The following CTNNAL1 variants were observed in gnomAD, a reference collection of about 807,000 sequenced individuals.
The protein encoded by CTNNAL1 is alpha-catulin.
A neutral mutation model predicts 93.6 loss-of-function variants in CTNNAL1; 69 were observed. That is an observed-to-expected ratio of 0.74 (90% CI 0.61 to 0.90). CTNNAL1 has a LOEUF of 0.90. Among genes scored for constraint, CTNNAL1 ranks in the 40% least tolerant of loss-of-function variants. The pLI is 0.00. For missense variants in CTNNAL1, 836 were observed against 862.0 expected (o/e 0.97, Z 0.38); for synonymous variants, 286 against 305.4 (o/e 0.94, Z 0.66).
chr9:109,013,476 G>C lies in CTNNAL1; in HGVS notation c.-34C>G, dbSNP rs28361101. On this transcript the variant is annotated 5_prime_UTR_variant, in exon 1 of 19. Transcript: ENST00000325551. Reference sequence around the variant, plus strand: ...GTCTATCCCGCAGCCGGGACTCCGCGCCGCGGCGAGCCTGCCGCCAGTCAG... The same window carrying C: ...GTCTATCCCGCAGCCGGGACTCCGCCCCGCGGCGAGCCTGCCGCCAGTCAG... 0.022 allele frequency: 28,852 copies of C among 1,325,498 alleles called. 376 individuals are homozygous for C. Among genetic ancestry groups the C allele is most frequent in the Non-Finnish European group, 0.025 (25,858 of 1,032,422 alleles). 82.1% of individuals were successfully genotyped at this position (1,325,498 alleles called of 1,614,324 possible).
In CTNNAL1 at chr9:108,952,342, G is replaced by A. The variant is rs778530106; in HGVS notation, c.1702C>T (p.Leu568Phe). The A allele has an allele frequency of 5.6e-6, 9 of 1,614,146 alleles. No individual in the cohort carries two copies. The highest frequency in any genetic ancestry group is 7.6e-6 in the Non-Finnish European group (9 of 1,180,028). The change falls in exon 14 of 19, where the codon CTT becomes TTT. Residue 568 changes from leucine (L) to phenylalanine (F), a missense_variant. By Grantham distance (22) the Leu-to-Phe change is conservative. Coordinates refer to ENST00000325551, the MANE Select transcript of CTNNAL1 (RefSeq NM_003798.4). ...DSEEQAKIAK[L>F]GLKLGLLTSD... ...GTGAGCAAACCCAGCTTAAGTCCAA[G>A]CTTTGCTATCTTGGCTTGCTCCTAT...
At chr9:108,952,921 G>A (rs1428909799) in intron 12 of CTNNAL1, among the ~76,000 whole-genome samples, 1 of 152,138 alleles carries the variant, frequency 6.6e-6, no homozygotes, top group African/African-American at 2.4e-5. Flanking sequence ...GCCACTATAT[G>A]TAGTTTTCTA....
chr9:108,998,975 T>C, intron 2 of CTNNAL1, 92 bp downstream of exon 2: 2 of 1,398,680 alleles, frequency 1.4e-6, no homozygotes, highest in Non-Finnish European at 9.5e-7. Context: ...CAAAGAGCTG[T>C]ATATCTTTAT....
At chr9:108,962,845 A>G (rs1234711395) in intron 11 of CTNNAL1, among the ~76,000 whole-genome samples, 2 of 152,198 alleles carry the variant, frequency 1.3e-5, no homozygotes, top group Admixed American at 6.5e-5. Flanking sequence ...TAGTTTTGTC[A>G]TCATTATCCC....
intron 15 of CTNNAL1, among the ~76,000 whole-genome samples, chr9:108,946,198 C>T (rs1244734434): frequency 1.3e-5 from 2 of 151,402 alleles, no homozygotes; most frequent in Non-Finnish European, 2.9e-5. Flanking sequence ...ACTCGGGAGG[C>T]TGAGGCAGAA....
At position 108,952,244 on chromosome 9, in the gene CTNNAL1, C is replaced by T. The variant is rs745366974; in HGVS notation, c.1800G>A (p.Met600Ile). 4.3e-6 allele frequency: 7 copies of T among 1,614,084 alleles called. No individual in the cohort carries two copies. Among genetic ancestry groups the T allele is most frequent in the Non-Finnish European group, 5.9e-6 (7 of 1,179,950 alleles). Residue 600 changes from methionine to isoleucine, a missense_variant, in exon 14 of 19, where the codon ATG (methionine) becomes ATA (isoleucine). Physicochemically the swap from Met to Ile is conservative, Grantham distance 10. Transcript: ENST00000325551. ...ENEIVQYGRN[M>I]SSMAYSLYLF... ...AATACAGAGAATAGGCCATACTGGA[C>T]ATGTTCCGTCCATATTGAACAATCT...
At position 108,983,174 on chromosome 9, in the gene CTNNAL1, T is replaced by C. The variant is rs1231926775; in HGVS notation, c.871A>G (p.Ser291Gly). Residue 291 changes from serine (S) to glycine (G), a missense_variant, in exon 6 of 19, where the codon AGT becomes GGT. Ser to Gly is a moderately conservative substitution (Grantham distance 56). Transcript: ENST00000325551. ...AATTCCTTAATTCCAGTAAAAATAC[T>C]GATAGATGAAATGTCAGTCTCTCCA... ...PNGETDISSI[S>G]IFTGIKEFKM... is the part of the protein sequence containing the mutation. 6.4e-7 allele frequency: 1 copy of C among 1,563,740 alleles called. No individual in the cohort carries two copies. The highest frequency in any genetic ancestry group is 8.6e-7 in the Non-Finnish European group (1 of 1,156,196).
At chr9:109,002,293 T>C (rs1304613331) in intron 1 of CTNNAL1, among the ~76,000 whole-genome samples, 1 of 152,176 alleles carries the variant, frequency 6.6e-6, no homozygotes, top group South Asian at 2.1e-4. Flanking sequence ...ATCCCATTCA[T>C]GAAGGCTCCC....
Position 108,990,803 on chromosome 9 carries a change from G to A in CTNNAL1, c.562C>T (p.Gln188Ter). 6 of 1,613,572 alleles carry A rather than the reference G, an allele frequency of 3.7e-6. No homozygotes were observed. Among genetic ancestry groups the A allele is most frequent in the Non-Finnish European group, 5.1e-6 (6 of 1,179,850 alleles). ...TGACTGAATATTTGGACAAACTCTT[G>A]AAAGCTATTCACTTTCTCTAGTCTT... The part of the protein sequence containing the change: ...MERLEKVNSF[Q>*]EFVQIFSQFG... The change falls in exon 4 of 19, where the codon CAA (glutamine) becomes TAA (stop). Residue 188 changes from glutamine (Q) to a stop codon, truncating the protein, a stop_gained. Transcript: ENST00000325551. LOFTEE classifies it high-confidence loss of function.
chr9:109,013,390 C>A lies in CTNNAL1; in HGVS notation c.53G>T (p.Gly18Val). The change falls in exon 1 of 19, where the codon GGC becomes GTC. Residue 18 changes from glycine (G) to valine (V), a missense_variant. Gly to Val is a moderately radical substitution (Grantham distance 109, BLOSUM62 -3). Coordinates refer to ENST00000325551, the MANE Select transcript of CTNNAL1 (RefSeq NM_003798.4). ...AGVGGAGAVY[G>V]SGSSGFALDS... ...GAGGGCGAAGCCCGAAGAGCCGGAG[C>A]CGTAGACTGCTCCGGCGCCGCCAAC... 1 of 1,503,484 alleles carries A rather than the reference C, an allele frequency of 6.7e-7. No individual in the cohort carries two copies. Among genetic ancestry groups the A allele is most frequent in the Non-Finnish European group, 8.9e-7 (1 of 1,125,708 alleles). 93.1% of individuals were successfully genotyped at this position (1,503,484 alleles called of 1,614,324 possible). A position where few individuals can be genotyped will look rare whatever the true frequency, so the allele number is the denominator to read the frequency against.
chr9:108,993,024 C>T (rs1831872889), intron 2 of CTNNAL1, among the ~76,000 whole-genome samples: 1 of 152,198 alleles, frequency 6.6e-6, no homozygotes, highest in Admixed American at 6.5e-5. Context: ...CTCTTAAGAA[C>T]TGTGACAAAT....
intron 8 of CTNNAL1, 31 bp from the exon 9 acceptor site, chr9:108,972,864 G>GGGGGGGGGCGGCCCCCCCC: frequency 7.0e-6 from 1 of 142,580 alleles, no homozygotes; most frequent in Non-Finnish European, 1.0e-5. Flanking sequence ...GGGGGGGTGG[G>GGGGGGGGGCGGCCCCCCCC]AGGGTGGAGA....
At chr9:108,950,873 C>T in intron 14 of CTNNAL1, 2 of 328,800 alleles carry the variant, frequency 6.1e-6, no homozygotes, top group Non-Finnish European at 1.1e-5. Context: ...TTTTTCAAAA[C>T]TTAATTGCCT....
chr9:108,997,382 T>C (rs532127375), intron 2 of CTNNAL1, among the ~76,000 whole-genome samples: 10 of 152,192 alleles, frequency 6.6e-5, no homozygotes, highest in Non-Finnish European at 1.5e-4. Flanking sequence ...CTGTCCTCAT[T>C]CGTTCACTTC....
intron 1 of CTNNAL1, among the ~76,000 whole-genome samples, chr9:109,000,365 T>A (rs1349169057): frequency 6.6e-6 from 1 of 152,138 alleles, no homozygotes; most frequent in East Asian, 1.9e-4. Flanking sequence ...ATATATTTGT[T>A]GCACACTATC....
intron 11 of CTNNAL1, among the ~76,000 whole-genome samples, chr9:108,965,136 C>T (rs1830919533): frequency 1.3e-5 from 2 of 152,120 alleles, no homozygotes; most frequent in African/African-American, 4.8e-5. Context: ...GCTGGGATTA[C>T]AGGTGTGAGC....
At position 108,996,210 on chromosome 9, in the gene CTNNAL1, C is replaced by T. The variant is rs72758390; in HGVS notation, c.331+2857G>A. The stretch of plus-strand genomic sequence containing the variant: ...TCAAACACAGCTCAAGCGATCCACC[C>T]GCCTTGGCCTCCAAGTGTTGGGATT... On this transcript the variant is annotated intron_variant, in intron 2 of 18. Transcript: ENST00000325551. Among the ~76,000 whole-genome samples the T allele has an allele frequency of 9.7e-3, 1,470 of 152,222 alleles. 16 individuals carry two copies. Among genetic ancestry groups the T allele is most frequent in the Middle Eastern group, 0.024 (7 of 294 alleles).
intron 4 of CTNNAL1, among the ~76,000 whole-genome samples, chr9:108,988,660 T>C (rs1350232624): frequency 6.6e-6 from 1 of 152,192 alleles, no homozygotes; most frequent in Non-Finnish European, 1.5e-5. Context: ...ACCCTTCCCG[T>C]TTGCTCACTT....
chr9:108,994,510 G>T lies in CTNNAL1; in HGVS notation c.332-1691C>A, dbSNP rs567379659. On this transcript the variant is annotated intron_variant, in intron 2 of 18. Transcript: ENST00000325551. ...AATCGAAGGGCATTGGAAGAGAGAT[G>T]ATAATTTTACTGTCAGACAACAGGA... Among the ~76,000 whole-genome samples, 4 of 152,324 alleles carry T rather than the reference G, an allele frequency of 2.6e-5. No individual in the cohort carries two copies. In the East Asian group the frequency reaches 7.7e-4, roughly 29 times the overall value.
Sources: allele counts gnomAD v4.1 joint callset (sites outside exome capture counted in the v4.1 genomes callset), GRCh38; gene constraint gnomAD v4.1.1; transcripts MANE v1.5; gene names NCBI Gene and HGNC (gene_info 2026-07-23, HGNC 2026-07-21).